KCNQ1: variants seen among roughly 807,000 people sequenced by gnomAD.
KCNQ1 encodes the protein potassium voltage-gated channel subfamily Q member 1, also known as potassium voltage-gated channel subfamily KQT member 1.
Under a neutral mutation model 72.4 loss-of-function variants are expected in KCNQ1, and 49 were observed. The ratio of observed to expected loss-of-function variants is 0.68; its 90% CI spans 0.54 to 0.86. The LOEUF (loss-of-function observed/expected upper bound fraction) is 0.86, where lower values mean the gene tolerates loss of function less well. Ranked by LOEUF, KCNQ1 falls within the 40% of genes least tolerant of loss-of-function variation. The pLI is 0.00. For synonymous variants in KCNQ1, 450 were observed against 412.6 expected (o/e 1.09, Z -1.10); for missense variants, 790 against 945.1 (o/e 0.84, Z 2.15).
chr11:2,446,613 A>AGG lies in KCNQ1; in HGVS notation c.386+1133_386+1134dup, dbSNP rs1199961240. On this transcript the variant is annotated intron_variant, in intron 1 of 15. Coordinates refer to ENST00000155840, the MANE Select transcript of KCNQ1 (RefSeq NM_000218.3). The surrounding 1 kb of genome is among the most constrained non-coding windows in gnomAD (Gnocchi z 8.8). ...ATGGCTTCAAGCATCGTCTCAGGTG[A>AGG]GGGGGTGGGGTAGGGGTCGCAGGGC... Among the ~76,000 whole-genome samples the AGG allele has an allele frequency of 2.0e-5, 3 of 152,082 alleles. No individual in the cohort carries two copies. Among genetic ancestry groups the AGG allele is most frequent in the African/African-American group, 7.2e-5 (3 of 41,408 alleles).
At chr11:2,584,659 TAGTG>T (rs1208582615) in intron 7 of KCNQ1, among the ~76,000 whole-genome samples, 4 of 151,668 alleles carry the variant, frequency 2.6e-5, no homozygotes, top group Non-Finnish European at 4.4e-5. Flanking sequence ...TTGTGTGTGT[TAGTG>T]TGTGGGTTAG....
chr11:2,488,113 T>C lies in KCNQ1; in HGVS notation c.387-39815T>C, dbSNP rs572953361. ...CAAATGCTTTTTGTATCAATTGAGA[T>C]CATGTGATCATGTGAGTGTTATTTC... On this transcript the variant is annotated intron_variant, in intron 1 of 15. Transcript: ENST00000155840. This position sits in a 1 kb window ranked among gnomAD's most constrained non-coding sequence, Gnocchi z 5.1. 6.6e-6 allele frequency among the ~76,000 whole-genome samples: 1 copy of C among 152,252 alleles called. No individual in the cohort carries two copies. The highest frequency in any genetic ancestry group is 6.5e-5 in the Admixed American group (1 of 15,300).
At chr11:2,696,637 C>G (rs1850681178) in intron 11 of KCNQ1, 1 of 398,532 alleles carries the variant, frequency 2.5e-6, no homozygotes, top group South Asian at 1.3e-4. Context: ...TTGAACTTAA[C>G]AGATTTGGAA....
chr11:2,730,994 G>A (rs1845850066), intron 11 of KCNQ1, among the ~76,000 whole-genome samples: 1 of 152,238 alleles, frequency 6.6e-6, no homozygotes, highest in South Asian at 2.1e-4. Flanking sequence ...GCCCAGCTTT[G>A]CTCATAGAAA....
At chr11:2,446,000 A>G (rs1265246329) in intron 1 of KCNQ1, among the ~76,000 whole-genome samples, 1 of 152,168 alleles carries the variant, frequency 6.6e-6, no homozygotes, top group Non-Finnish European at 1.5e-5. Context: ...CTGAGGGCTC[A>G]GCATGCCACG....
chr11:2,672,452 A>T (rs1041203735), intron 11 of KCNQ1: 5 of 398,538 alleles, frequency 1.3e-5, no homozygotes, highest in Non-Finnish European at 2.2e-5. Context: ...AAGAGCTTCA[A>T]TTGAGATATC....
rs1043171431 is a variant in KCNQ1 at position 2,457,907 on chromosome 11, T to C, written c.386+12423T>C. ...GAGGACTATCAGTATGCATCCAGGA[T>C]GACGTTTACTTAAATATCTCTGTTT... On this transcript the variant is annotated intron_variant, in intron 1 of 15. Transcript: ENST00000155840. The surrounding 1 kb of genome is among the most constrained non-coding windows in gnomAD (Gnocchi z 5.0). 9.9e-5 allele frequency among the ~76,000 whole-genome samples: 15 copies of C among 151,786 alleles called. No individual in the cohort carries two copies. The highest frequency in any genetic ancestry group is 1.9e-4 in the Non-Finnish European group (13 of 68,006).
intron 12 of KCNQ1, among the ~76,000 whole-genome samples, chr11:2,771,818 G>T (rs1178810822): frequency 1.3e-5 from 2 of 152,194 alleles, no homozygotes; most frequent in Non-Finnish European, 2.9e-5. Context: ...GGTCCCTGGG[G>T]AGGAACACAG....
At chr11:2,777,203 G>A (rs1846724041) in intron 14 of KCNQ1, among the ~76,000 whole-genome samples, 171 bp downstream of exon 14, 1 of 152,174 alleles carries the variant, frequency 6.6e-6, no homozygotes, top group Non-Finnish European at 1.5e-5. Flanking sequence ...CCTTAGCAAA[G>A]TGGCTCCAAA....
intron 15 of KCNQ1, among the ~76,000 whole-genome samples, chr11:2,823,879 G>A (rs1396008875): frequency 2.0e-5 from 3 of 152,204 alleles, no homozygotes; most frequent in Non-Finnish European, 4.4e-5. Context: ...CGAGGGTGGG[G>A]TGAGAGCTTA....
intron 1 of KCNQ1, among the ~76,000 whole-genome samples, chr11:2,510,573 T>A (rs939097817): frequency 7.2e-5 from 11 of 152,208 alleles, no homozygotes; most frequent in Admixed American, 6.5e-4. Context: ...GCCACTGCAC[T>A]CCAGTCTGGG....
At chr11:2,512,817 A>AC (rs1323566681) in intron 1 of KCNQ1, among the ~76,000 whole-genome samples, 1 of 152,112 alleles carries the variant, frequency 6.6e-6, no homozygotes, top group African/African-American at 2.4e-5. Flanking sequence ...CTGAGGAGGC[A>AC]CCCCTAGCCG....
At chr11:2,846,400 G>A (rs964928586) in intron 15 of KCNQ1, among the ~76,000 whole-genome samples, 2 of 152,152 alleles carry the variant, frequency 1.3e-5, no homozygotes, top group African/African-American at 4.8e-5. Flanking sequence ...TACCCACGGT[G>A]GGGGAGGGTC....
intron 10 of KCNQ1, chr11:2,633,565 G>A: frequency 2.5e-6 from 1 of 398,458 alleles, no homozygotes; most frequent in Non-Finnish European, 4.4e-6. Context: ...AGATAGTATA[G>A]TTTCATTCTT....
rs1325531880 is a variant in KCNQ1, at chr11:2,447,053, C to T, written c.386+1569C>T. ...GCCAGAGGCCAAGGCAAAGTGCCCGCAGACCCCCTCAATTCTCACTTGTAT... is the reference window on the plus strand; with the variant it reads ...GCCAGAGGCCAAGGCAAAGTGCCCGTAGACCCCCTCAATTCTCACTTGTAT... On this transcript the variant is annotated intron_variant, in intron 1 of 15. Coordinates refer to ENST00000155840, the MANE Select transcript of KCNQ1 (RefSeq NM_000218.3). The surrounding 1 kb of genome is among the most constrained non-coding windows in gnomAD (Gnocchi z 7.6). Among the ~76,000 whole-genome samples, 1 of 152,234 alleles carries T rather than the reference C, an allele frequency of 6.6e-6. No individual in the cohort carries two copies. Among genetic ancestry groups the T allele is most frequent in the South Asian group, 2.1e-4 (1 of 4,832 alleles).
chr11:2,593,088 C>T lies in KCNQ1; in HGVS notation c.1393+4234C>T, dbSNP rs1848691176. Among the ~76,000 whole-genome samples the T allele has an allele frequency of 1.3e-5, 2 of 152,202 alleles. No homozygotes were observed. The highest frequency in any genetic ancestry group is 4.8e-5 in the African/African-American group (2 of 41,438). ...GTCCCCTCCTCATAGGGGAGTGGCC[C>T]TTTGTCTTTCACCACTGACCCTTCC... On this transcript the variant is annotated intron_variant, in intron 10 of 15. Transcript: ENST00000155840. This position sits in a 1 kb window ranked among gnomAD's most constrained non-coding sequence, Gnocchi z 6.9.
intron 1 of KCNQ1, among the ~76,000 whole-genome samples, chr11:2,456,291 C>G (rs1846189851): frequency 6.7e-6 from 1 of 149,642 alleles, no homozygotes; most frequent in South Asian, 2.1e-4. Flanking sequence ...GAGCAAAACT[C>G]TATCTCAAAA....
intron 10 of KCNQ1, chr11:2,638,626 CT>C (rs1463566232): frequency 6.6e-6 from 1 of 152,190 alleles, no homozygotes; most frequent in Non-Finnish European, 1.5e-5. Flanking sequence ...TTCATTTCAA[CT>C]TTGGTGAATC....
chr11:2,487,643 TTTC>T (rs1846763229), intron 1 of KCNQ1, among the ~76,000 whole-genome samples: 1 of 152,200 alleles, frequency 6.6e-6, no homozygotes. Flanking sequence ...ATTAAATTGT[TTTC>T]TTAATTTCAT....
Sources: allele counts gnomAD v4.1 joint callset (sites outside exome capture counted in the v4.1 genomes callset), GRCh38; gene constraint gnomAD v4.1.1; non-coding constraint Gnocchi (gnomAD v3.1); transcripts MANE v1.5; gene names NCBI Gene and HGNC (gene_info 2026-07-23, HGNC 2026-07-21).